The following ITGA8 variants were observed in gnomAD, a reference collection of about 807,000 sequenced individuals.
The protein encoded by ITGA8 is integrin alpha-8.
A neutral mutation model predicts 142.3 loss-of-function variants in ITGA8; 91 were observed. That is an observed-to-expected ratio of 0.64 (90% CI 0.54 to 0.76). ITGA8 has a LOEUF of 0.76. ITGA8 is among the 30% of genes least tolerant of loss of function. The pLI, the probability that ITGA8 is intolerant of heterozygous loss-of-function variation, is 0.00. For synonymous variants in ITGA8, 505 were observed against 485.2 expected, an observed-to-expected ratio of 1.04 and a Z score of -0.54; for missense variants, 1,406 against 1,327.7, an observed-to-expected ratio of 1.06 and a Z score of -0.92.
chr10:15,719,426 G>T (rs1249646047), intron 1 of ITGA8, 137 bp downstream of exon 1: 3 of 690,952 alleles, frequency 4.3e-6, no homozygotes, highest in Non-Finnish European at 6.8e-6. Context: ...GGCTGGTGGC[G>T]GGGAGAGGGA....
intron 13 of ITGA8, among the ~76,000 whole-genome samples, chr10:15,623,791 A>T (rs186706527): frequency 1.3e-5 from 2 of 152,262 alleles, no homozygotes; most frequent in Non-Finnish European, 2.9e-5. Flanking sequence ...ATGCACCCAG[A>T]CCTGTAACCA....
Position 15,613,794 on chromosome 10 carries a change from T to C in ITGA8, c.1446-27A>G, listed in dbSNP as rs751908789. On this transcript the variant is annotated intron_variant, in intron 14 of 29. Coordinates refer to ENST00000378076, the MANE Select transcript of ITGA8 (RefSeq NM_003638.3). ...TGCGGGGAGAAAATGCAGGGTTTGTTTAAATAAAACACAAGGGTGATAGGC... is the reference window on the plus strand; with the variant it reads ...TGCGGGGAGAAAATGCAGGGTTTGTCTAAATAAAACACAAGGGTGATAGGC... 3.9e-6 allele frequency: 6 copies of C among 1,534,594 alleles called. No homozygotes were observed. In the East Asian group the frequency reaches 9.0e-5, roughly 23 times the overall value.
intron 13 of ITGA8, among the ~76,000 whole-genome samples, chr10:15,638,208 C>T (rs1488298445): frequency 1.3e-5 from 2 of 152,136 alleles, no homozygotes; most frequent in South Asian, 2.1e-4. Context: ...AACCAAACCA[C>T]CTCTTATATG....
At chr10:15,679,321 A>T (rs1488674315) in intron 4 of ITGA8, among the ~76,000 whole-genome samples, 2 of 152,304 alleles carry the variant, frequency 1.3e-5, no homozygotes, top group African/African-American at 4.8e-5. Flanking sequence ...GTGGTGGCTC[A>T]TGCCTGTAAT....
At chr10:15,701,036 A>G (rs945083515) in intron 2 of ITGA8, among the ~76,000 whole-genome samples, 1 of 152,232 alleles carries the variant, frequency 6.6e-6, no homozygotes, top group Non-Finnish European at 1.5e-5. Context: ...TTCCAGTGCC[A>G]AAAACATAGT....
At chr10:15,523,055 A>G (rs1833100101) in intron 28 of ITGA8, among the ~76,000 whole-genome samples, 1 of 152,266 alleles carries the variant, frequency 6.6e-6, no homozygotes, top group Admixed American at 6.5e-5. Context: ...CCTGCCTACT[A>G]TTTTATGTTA....
chr10:15,607,593 C>A, intron 17 of ITGA8, 84 bp downstream of exon 17: 2 of 1,347,534 alleles, frequency 1.5e-6, no homozygotes, highest in Non-Finnish European at 2.1e-6. Flanking sequence ...TCTATGCAGA[C>A]AAACATGATG....
chr10:15,645,888 G>T (rs543911736), intron 12 of ITGA8, among the ~76,000 whole-genome samples: 78 of 152,208 alleles, frequency 5.1e-4, no homozygotes, highest in African/African-American at 1.8e-3. Flanking sequence ...CTAACCTAAA[G>T]AACTACAAGC....
intron 25 of ITGA8, among the ~76,000 whole-genome samples, chr10:15,562,080 G>C (rs959318472): frequency 1.3e-5 from 2 of 152,168 alleles, no homozygotes; most frequent in African/African-American, 4.8e-5. Context: ...ACCTCCACCT[G>C]GTCTCTCTCT....
chr10:15,599,131 G>A (rs942544682), intron 20 of ITGA8, among the ~76,000 whole-genome samples: 7 of 151,522 alleles, frequency 4.6e-5, no homozygotes, highest in African/African-American at 1.7e-4. Flanking sequence ...TATATGTACA[G>A]TTTTTCCCCA....
intron 22 of ITGA8, among the ~76,000 whole-genome samples, chr10:15,587,657 G>A (rs1362545819): frequency 6.6e-6 from 1 of 152,072 alleles, no homozygotes; most frequent in Non-Finnish European, 1.5e-5. Context: ...AAGGAAGTTG[G>A]CCAGTTCATA....
intron 25 of ITGA8, among the ~76,000 whole-genome samples, chr10:15,570,030 A>G (rs1170257922): frequency 6.6e-6 from 1 of 152,168 alleles, no homozygotes; most frequent in Non-Finnish European, 1.5e-5. Context: ...TTTAATGTCT[A>G]TTAATAAAAG....
In ITGA8 at chr10:15,605,792, C is replaced by A; in HGVS notation, c.1903-1G>T. ...CTCCACAGTCCACCAGAATGTGAGCCTGTGTTGTATAAACGCACGTCAGGA... is the reference window on the plus strand; with the variant it reads ...CTCCACAGTCCACCAGAATGTGAGCATGTGTTGTATAAACGCACGTCAGGA... On this transcript the variant is annotated splice_acceptor_variant, in intron 18 of 29. Coordinates refer to ENST00000378076, the MANE Select transcript of ITGA8 (RefSeq NM_003638.3). LOFTEE classifies it high-confidence loss of function. The A allele has an allele frequency of 1.9e-6, 3 of 1,613,180 alleles. No individual in the cohort carries two copies. Among genetic ancestry groups the A allele is most frequent in the Non-Finnish European group, 2.5e-6 (3 of 1,179,234 alleles).
At chr10:15,643,744 A>G (rs1406364104) in intron 13 of ITGA8, among the ~76,000 whole-genome samples, 2 of 152,250 alleles carry the variant, frequency 1.3e-5, no homozygotes, top group Non-Finnish European at 2.9e-5. Context: ...AGGAGTTTCA[A>G]ATGAAAACTT....
chr10:15,558,993 T>C (rs1382288635), intron 25 of ITGA8, among the ~76,000 whole-genome samples: 1 of 152,260 alleles, frequency 6.6e-6, no homozygotes, highest in South Asian at 2.1e-4. Context: ...GAATTATGAT[T>C]TCTTTCACAC....
intron 4 of ITGA8, among the ~76,000 whole-genome samples, chr10:15,680,967 T>C (rs538440678): frequency 6.6e-6 from 1 of 152,278 alleles, no homozygotes; most frequent in East Asian, 1.9e-4. Flanking sequence ...TTGATAATTA[T>C]GTCCTAGAGT....
In ITGA8 at chr10:15,517,139, GTCT is replaced by G. The variant is rs766472273; in HGVS notation, c.*16_*18del. The G allele has an allele frequency of 1.4e-4, 216 of 1,582,134 alleles. No homozygotes were observed. In the African/African-American group the frequency reaches 2.6e-3, roughly 19 times the overall value. ...ACAGGACCAGTGTTTGAGGTCTTTGGTCTTCTTTTTTTTTCTTGTCATGCCTCA... is the reference window on the plus strand; with the variant it reads ...ACAGGACCAGTGTTTGAGGTCTTTGGTCTTTTTTTTTCTTGTCATGCCTCA... On this transcript the variant is annotated 3_prime_UTR_variant, in exon 30 of 30. Coordinates refer to ENST00000378076, the MANE Select transcript of ITGA8 (RefSeq NM_003638.3).
chr10:15,561,217 ATATATATATATATATATG>A (rs1211018382), intron 25 of ITGA8, among the ~76,000 whole-genome samples: 1,128 of 97,484 alleles, frequency 0.012, 12 homozygotes, highest in East Asian at 0.034. Flanking sequence ...GGCTATATAT[ATATATATATATATATATG>A]TATATATATA....
intron 6 of ITGA8, among the ~76,000 whole-genome samples, chr10:15,676,493 G>A (rs566225624): frequency 1.0e-3 from 156 of 152,084 alleles, no homozygotes; most frequent in African/African-American, 1.8e-3. Context: ...CCTTTGCTTC[G>A]GATTGTGTAT....
Sources: allele counts gnomAD v4.1 joint callset (sites outside exome capture counted in the v4.1 genomes callset), GRCh38; gene constraint gnomAD v4.1.1; transcripts MANE v1.5; gene names NCBI Gene and HGNC (gene_info 2026-07-23, HGNC 2026-07-21).